The following AKAP13 variants were observed in gnomAD, a reference collection of about 807,000 sequenced individuals.
The protein encoded by AKAP13 is A-kinase anchoring protein 13.
In AKAP13, 80 loss-of-function variants were observed where a neutral mutation model predicts 264.5. The ratio of observed to expected loss-of-function variants is 0.30; its 90% CI spans 0.25 to 0.36. AKAP13 has a LOEUF of 0.36. Ranked by LOEUF, AKAP13 falls within the 10% of genes least tolerant of loss-of-function variation. The pLI is 1.00. For missense variants in AKAP13, 3,712 were observed against 3,435.2 expected (o/e 1.08, Z -2.01); for synonymous variants, 1,380 against 1,250.2 (o/e 1.10, Z -2.19).
intron 1 of AKAP13, among the ~76,000 whole-genome samples, chr15:85,406,817 G>A (rs1296730961): frequency 1.3e-5 from 2 of 151,572 alleles, no homozygotes; most frequent in African/African-American, 2.4e-5. Flanking sequence ...AGAGAAAAAT[G>A]CATAATAAAA....
At chr15:85,608,487 A>C (rs776634201) in intron 8 of AKAP13, among the ~76,000 whole-genome samples, 3 of 152,244 alleles carry the variant, frequency 2.0e-5, no homozygotes, top group Non-Finnish European at 4.4e-5. Context: ...TTTGCTTAGA[A>C]TCAGACCAAC....
chr15:85,731,092 C>G (rs1299203506), intron 30 of AKAP13, among the ~76,000 whole-genome samples: 1 of 150,988 alleles, frequency 6.6e-6, no homozygotes, highest in South Asian at 2.1e-4. Flanking sequence ...GCAACCTCCC[C>G]CTCCTGGGTT....
intron 16 of AKAP13, among the ~76,000 whole-genome samples, chr15:85,692,398 G>T (rs1412713148): frequency 6.6e-6 from 1 of 152,100 alleles, no homozygotes; most frequent in Admixed American, 6.5e-5. Flanking sequence ...GGGTACTTTT[G>T]TGATTACTCC....
intron 1 of AKAP13, among the ~76,000 whole-genome samples, chr15:85,417,911 T>C (rs2150889814): frequency 6.6e-6 from 1 of 152,296 alleles, no homozygotes; most frequent in South Asian, 2.1e-4. Context: ...ACTAGGTAAT[T>C]TAAAATTTCC....
chr15:85,481,552 G>A (rs1354708009), intron 1 of AKAP13, among the ~76,000 whole-genome samples: 1 of 152,148 alleles, frequency 6.6e-6, no homozygotes, highest in East Asian at 1.9e-4. Context: ...TTTCTCATCA[G>A]TATAAAATAA....
chr15:85,590,157 A>C (rs1286695736), intron 8 of AKAP13, among the ~76,000 whole-genome samples: 1 of 152,182 alleles, frequency 6.6e-6, no homozygotes, highest in Non-Finnish European at 1.5e-5. Flanking sequence ...GAATCATTGA[A>C]TCATCCTCTC....
intron 1 of AKAP13, among the ~76,000 whole-genome samples, chr15:85,458,341 A>G (rs2074356963): frequency 6.8e-6 from 1 of 146,164 alleles, no homozygotes; most frequent in Non-Finnish European, 1.5e-5. Context: ...CACTATGAAC[A>G]TTTGAGTCTT....
intron 5 of AKAP13, among the ~76,000 whole-genome samples, chr15:85,567,041 A>G (rs1006710775): frequency 6.6e-6 from 1 of 152,208 alleles, no homozygotes; most frequent in Non-Finnish European, 1.5e-5. Flanking sequence ...AGTAATGTAG[A>G]TACTGAATAC....
intron 5 of AKAP13, among the ~76,000 whole-genome samples, chr15:85,553,394 C>T (rs1304448605): frequency 6.6e-6 from 1 of 152,146 alleles, no homozygotes; most frequent in African/African-American, 2.4e-5. Flanking sequence ...GGCCTAACAT[C>T]TGTAATTCTT....
chr15:85,664,471 A>G, intron 12 of AKAP13, 92 bp from the exon 13 acceptor site: 1 of 1,302,156 alleles, frequency 7.7e-7, no homozygotes, highest in South Asian at 1.6e-5. Flanking sequence ...ATAATACACA[A>G]ACAAGGGAGA....
At chr15:85,630,543 A>G (rs993540760) in intron 8 of AKAP13, among the ~76,000 whole-genome samples, 4 of 152,186 alleles carry the variant, frequency 2.6e-5, no homozygotes, top group South Asian at 2.1e-4. Context: ...AGGACAAGCT[A>G]TTTTACTACT....
chr15:85,633,524 ACTTTTTTTTT>A (rs2081941311), intron 8 of AKAP13, among the ~76,000 whole-genome samples: 1 of 140,240 alleles, frequency 7.1e-6, no homozygotes, highest in African/African-American at 2.6e-5. Context: ...TCTCTGAATG[ACTTTTTTTTT>A]CTTTTTTTTT....
chr15:85,744,250 G>A, intron 36 of AKAP13: 1 of 301,114 alleles, frequency 3.3e-6, no homozygotes, highest in Non-Finnish European at 6.2e-6. Flanking sequence ...GCTAACTAAT[G>A]TGCCAGCGGC....
At chr15:85,741,554 T>A in intron 35 of AKAP13, 59 bp downstream of exon 35, 1 of 1,503,580 alleles carries the variant, frequency 6.7e-7, no homozygotes, top group Non-Finnish European at 8.9e-7. Context: ...ACCCCCTGTG[T>A]ATTAAGCAAG....
At chr15:85,567,396 A>G (rs1596551276) in intron 5 of AKAP13, among the ~76,000 whole-genome samples, 2 of 152,148 alleles carry the variant, frequency 1.3e-5, no homozygotes, top group South Asian at 2.1e-4. Context: ...GTGAGCCACC[A>G]CGCCCAGCCA....
rs1393008348 is a variant in AKAP13, at chr15:85,747,922, C to T, written c.*3245C>T. ...ACCTTCCTGAGGCCTCAGTATTAGT[C>T]GTGAGCACAAAGTTTTGAGACCTTT... On this transcript the variant is annotated 3_prime_UTR_variant, in exon 37 of 37. Coordinates refer to ENST00000394518, the MANE Select transcript of AKAP13 (RefSeq NM_007200.5). The T allele has an allele frequency of 2.0e-5, 3 of 153,064 alleles. No individual in the cohort carries two copies. Among genetic ancestry groups the T allele is most frequent in the East Asian group, 1.9e-4 (1 of 5,192 alleles). 9.5% of individuals were successfully genotyped at this position (153,064 alleles called of 1,614,324 possible).
At chr15:85,696,048 A>G (rs895456217) in intron 17 of AKAP13, among the ~76,000 whole-genome samples, 1 of 152,232 alleles carries the variant, frequency 6.6e-6, no homozygotes, top group African/African-American at 2.4e-5. Flanking sequence ...GGATACATAC[A>G]TAACATAAAA....
chr15:85,691,341 A>T (rs1426780350), intron 16 of AKAP13, among the ~76,000 whole-genome samples: 1 of 152,218 alleles, frequency 6.6e-6, no homozygotes, highest in Non-Finnish European at 1.5e-5. Flanking sequence ...AGGACCTTTT[A>T]TGGAGAGCAT....
At chr15:85,439,227 C>G (rs1286997835) in intron 1 of AKAP13, among the ~76,000 whole-genome samples, 3 of 149,452 alleles carry the variant, frequency 2.0e-5, no homozygotes, top group African/African-American at 7.4e-5. Flanking sequence ...AAATGCTCAT[C>G]ATCACTGGCC....
Sources: gnomAD v4.1 joint callset for allele counts (sites outside exome capture counted in the v4.1 genomes callset) on GRCh38, gnomAD v4.1.1 for gene constraint, MANE v1.5 for transcripts, NCBI Gene and HGNC (gene_info 2026-07-23, HGNC 2026-07-21) for gene names.